The following SLC9B2 variants were observed in gnomAD, a reference collection of about 807,000 sequenced individuals.
SLC9B2 encodes sodium/hydrogen exchanger 9B2.
Under a neutral mutation model 52.2 loss-of-function variants are expected in SLC9B2, and 39 were observed. That is an observed-to-expected ratio of 0.75 (90% CI 0.58 to 0.98). SLC9B2 has a LOEUF of 0.98. SLC9B2 is among the 50% of genes least tolerant of loss of function. SLC9B2 has a pLI of 0.00. For synonymous variants in SLC9B2, 214 were observed against 227.0 expected (o/e 0.94, Z 0.51); for missense variants, 626 against 637.5 (o/e 0.98, Z 0.19).
chr4:103,056,490 C>T (rs904919463), intron 4 of SLC9B2, among the ~76,000 whole-genome samples: 12 of 151,378 alleles, frequency 7.9e-5, no homozygotes, highest in Non-Finnish European at 1.2e-4. Context: ...TCAGGTGATC[C>T]GCCTGCCTTG....
chr4:103,056,052 G>T (rs942013764), intron 4 of SLC9B2, among the ~76,000 whole-genome samples: 1 of 151,842 alleles, frequency 6.6e-6, no homozygotes, highest in Non-Finnish European at 1.5e-5. Context: ...GATCTGCCCG[G>T]CTTGGTCTCC....
At chr4:103,039,712 A>G (rs142224398) in intron 9 of SLC9B2, among the ~76,000 whole-genome samples, 2,283 of 138,516 alleles carry the variant, frequency 0.016, 57 homozygotes, top group African/African-American at 0.056. Context: ...CAATGGTGTG[A>G]TCTGGGCTCA....
chr4:103,050,497 A>G (rs1744579501), intron 4 of SLC9B2, 115 bp from the exon 5 acceptor site: 1 of 958,014 alleles, frequency 1.0e-6, no homozygotes, highest in East Asian at 3.3e-5. Context: ...ACTTATGCTT[A>G]GAAGAAATTA....
At chr4:103,070,332 A>T (rs1211151158) in intron 1 of SLC9B2, among the ~76,000 whole-genome samples, 1 of 152,212 alleles carries the variant, frequency 6.6e-6, no homozygotes, top group Admixed American at 6.5e-5. Flanking sequence ...ATGACCTTTG[A>T]AGGGCCATAA....
At chr4:103,038,249 A>G (rs1743341890) in intron 9 of SLC9B2, among the ~76,000 whole-genome samples, 1 of 152,312 alleles carries the variant, frequency 6.6e-6, no homozygotes, top group African/African-American at 2.4e-5. Flanking sequence ...GTTGCCATGA[A>G]TAATTGTTTA....
chr4:103,040,367 GC>G (rs1470380307), intron 9 of SLC9B2, among the ~76,000 whole-genome samples: 1 of 152,124 alleles, frequency 6.6e-6, no homozygotes, highest in Admixed American at 6.6e-5. Context: ...GTAGACAAAG[GC>G]CACAATTTGT....
chr4:103,073,186 T>C (rs1746821410), intron 1 of SLC9B2, among the ~76,000 whole-genome samples: 2 of 152,230 alleles, frequency 1.3e-5, no homozygotes, highest in African/African-American at 4.8e-5. Flanking sequence ...TGTGGTATTT[T>C]GTTACAGTAA....
At chr4:103,044,539 G>A (rs976141966) in intron 8 of SLC9B2, among the ~76,000 whole-genome samples, 1 of 152,080 alleles carries the variant, frequency 6.6e-6, no homozygotes, top group Non-Finnish European at 1.5e-5. Context: ...TAGAATCTAA[G>A]GTATTTTGAT....
At chr4:103,019,908 T>G (rs1167183656), downstream of SLC9B2, 1 of 987,086 alleles carries the variant, frequency 1.0e-6, no homozygotes, top group Non-Finnish European at 1.2e-6. Context: ...AGGGACAGAG[T>G]TGACATCACT....
intron 4 of SLC9B2, among the ~76,000 whole-genome samples, chr4:103,056,506 C>T (rs1745150040): frequency 6.6e-6 from 1 of 152,144 alleles, no homozygotes; most frequent in Non-Finnish European, 1.5e-5. Context: ...CCTTGGCCTC[C>T]CAAAGTGCTG....
chr4:103,053,734 C>T (rs1413558512), intron 4 of SLC9B2, among the ~76,000 whole-genome samples: 2 of 151,600 alleles, frequency 1.3e-5, no homozygotes, highest in Admixed American at 6.6e-5. Flanking sequence ...GACCGAGTCT[C>T]GCTCTGTCAC....
At chr4:103,067,620 C>T (rs1483010238) in intron 1 of SLC9B2, 28 bp from the exon 2 acceptor site, 4 of 1,231,322 alleles carry the variant, frequency 3.2e-6, no homozygotes, top group East Asian at 2.3e-5. Flanking sequence ...AGATATAGAG[C>T]AGTAATTTGA....
chr4:103,072,115 G>A (rs1263797597), intron 1 of SLC9B2, among the ~76,000 whole-genome samples: 1 of 137,960 alleles, frequency 7.2e-6, no homozygotes, highest in Non-Finnish European at 1.5e-5. Context: ...CTGGAGTGCA[G>A]TGGCGAGATC....
chr4:103,038,498 A>G (rs1743366191), intron 9 of SLC9B2, among the ~76,000 whole-genome samples: 1 of 152,214 alleles, frequency 6.6e-6, no homozygotes, highest in Non-Finnish European at 1.5e-5. Context: ...TCAAAACTAA[A>G]ATGAATTTGC....
Position 103,050,285 on chromosome 4 carries a change from G to C in SLC9B2, c.540C>G (p.Ala180=). The C allele has an allele frequency of 6.2e-7, 1 of 1,609,310 alleles. No homozygotes were observed. The highest frequency in any genetic ancestry group is 8.5e-7 in the Non-Finnish European group (1 of 1,177,982). Reference sequence around the variant, plus strand: ...CAGCACGAACCAGAATGATAGACAGGGCTATGCTTCTCAAAGAGGAAGACC... The same window carrying C: ...CAGCACGAACCAGAATGATAGACAGCGCTATGCTTCTCAAAGAGGAAGACC... The part of the protein sequence containing the change: ...HKWSSSLRSI[A]LSIILVRAGL... The change falls in exon 5 of 12, where the codon GCC becomes GCG. Residue 180 remains alanine (A), a synonymous_variant. Transcript: ENST00000394785.
chr4:103,055,019 G>A (rs1337246844), intron 4 of SLC9B2, among the ~76,000 whole-genome samples: 1 of 152,046 alleles, frequency 6.6e-6, no homozygotes, highest in Non-Finnish European at 1.5e-5. Flanking sequence ...CTGGATTAAG[G>A]AAATGTGGCA....
rs757350652 is a variant in SLC9B2 at position 103,026,588 on chromosome 4, C to A, written c.1396G>T (p.Ala466Ser). 1 of 1,609,674 alleles carries A rather than the reference C, an allele frequency of 6.2e-7. No individual in the cohort carries two copies. Among genetic ancestry groups the A allele is most frequent in the African/African-American group, 1.3e-5 (1 of 74,890 alleles). ...AWLPKATVQA[A>S]IGSVALDTAR... ...GTGTCCAAAGCCACAGATCCTATTG[C>A]AGCCTATAAAAGTTTAAGGGTAAAA... The change falls in exon 12 of 12, where the codon GCA becomes TCA. Residue 466 changes from alanine (A) to serine (S), a missense_variant. Transcript: ENST00000394785.
At chr4:103,040,403 A>G (rs1388450654) in intron 9 of SLC9B2, among the ~76,000 whole-genome samples, 1 of 152,244 alleles carries the variant, frequency 6.6e-6, no homozygotes, top group East Asian at 1.9e-4. Flanking sequence ...GCTTCAGACT[A>G]GTTGAACATC....
At position 103,028,415 on chromosome 4, in the gene SLC9B2, GAA is replaced by G. The variant is rs1231748503; in HGVS notation, c.1392+330_1392+331del. ...CTCTCTTCTTGGAAGCTATTAACAT[GAA>G]AAGAGTTAAGAACTCTTTCCTTGGG... On this transcript the variant is annotated intron_variant, in intron 11 of 11. Coordinates refer to ENST00000394785, the MANE Select transcript of SLC9B2 (RefSeq NM_178833.7). Among the ~76,000 whole-genome samples the G allele has an allele frequency of 1.3e-4, 20 of 152,182 alleles. No homozygotes were observed. In the East Asian group the frequency reaches 3.7e-3, roughly 28 times the overall value.
Sources: gnomAD v4.1 joint callset for allele counts (sites outside exome capture counted in the v4.1 genomes callset) on GRCh38, gnomAD v4.1.1 for gene constraint, MANE v1.5 for transcripts, NCBI Gene and HGNC (gene_info 2026-07-23, HGNC 2026-07-21) for gene names.